The following MED13 variants were observed in gnomAD, a reference collection of about 807,000 sequenced individuals.
MED13 encodes the protein mediator of RNA polymerase II transcription subunit 13.
A neutral mutation model predicts 225.2 loss-of-function variants in MED13; 23 were observed. The ratio of observed to expected loss-of-function variants is 0.10; its 90% CI spans 0.07 to 0.14. The LOEUF is 0.14. MED13 is among the 10% of genes least tolerant of loss of function. The pLI, the probability that MED13 is intolerant of heterozygous loss-of-function variation, is 1.00. For missense variants in MED13, 2,197 were observed against 2,594.5 expected, an observed-to-expected ratio of 0.85 and a Z score of 3.33; for synonymous variants, 942 against 889.2, an observed-to-expected ratio of 1.06 and a Z score of -1.06.
At chr17:61,971,823 G>A (rs2080111895) in intron 17 of MED13, among the ~76,000 whole-genome samples, 1 of 151,902 alleles carries the variant, frequency 6.6e-6, no homozygotes, top group African/African-American at 2.4e-5. Flanking sequence ...ACTCCCAGCT[G>A]TTCGGGAGGC....
intron 9 of MED13, among the ~76,000 whole-genome samples, chr17:62,000,084 T>C (rs1046855732): frequency 6.6e-6 from 1 of 151,800 alleles, no homozygotes; most frequent in Non-Finnish European, 1.5e-5. Flanking sequence ...AAAGAAAAAA[T>C]AAAAATCAAG....
intron 5 of MED13, among the ~76,000 whole-genome samples, chr17:62,033,242 C>CT (rs2080773227): frequency 6.6e-6 from 1 of 152,132 alleles, no homozygotes; most frequent in South Asian, 2.1e-4. Flanking sequence ...GTCATAAATT[C>CT]TTTAGTTACA....
chr17:61,960,182 AC>A (rs2079986706), intron 23 of MED13, among the ~76,000 whole-genome samples: 1 of 152,108 alleles, frequency 6.6e-6, no homozygotes, highest in Admixed American at 6.6e-5. Flanking sequence ...ACCTGTTGTG[AC>A]CTATTAGTTA....
intron 2 of MED13, among the ~76,000 whole-genome samples, chr17:62,055,922 C>CTT (rs1408708478): frequency 6.6e-6 from 1 of 152,142 alleles, no homozygotes; most frequent in East Asian, 1.9e-4. Context: ...GGGTGGGCAT[C>CTT]TTATGTCCCC....
chr17:62,042,229 C>T (rs1273363101), intron 3 of MED13, among the ~76,000 whole-genome samples: 1 of 152,148 alleles, frequency 6.6e-6, no homozygotes, highest in Non-Finnish European at 1.5e-5. Context: ...CATATTTCTG[C>T]TCACTCAGTG....
At chr17:62,064,998 G>T in intron 1 of MED13, 142 bp downstream of exon 1, 2 of 619,052 alleles carry the variant, frequency 3.2e-6, no homozygotes. Flanking sequence ...GGGGCTGGCC[G>T]CGGAGCTTCG....
At chr17:62,055,997 C>A (rs920208311) in intron 2 of MED13, among the ~76,000 whole-genome samples, 1 of 152,142 alleles carries the variant, frequency 6.6e-6, no homozygotes, top group African/African-American at 2.4e-5. Flanking sequence ...TAGAGACCAC[C>A]TGTTGAGGTT....
At chr17:62,011,948 G>A (rs2080513408) in intron 8 of MED13, among the ~76,000 whole-genome samples, 1 of 152,178 alleles carries the variant, frequency 6.6e-6, no homozygotes, top group South Asian at 2.1e-4. Flanking sequence ...TGGGCATGGT[G>A]GCTGACACCT....
chr17:61,946,277 A>C lies in MED13; in HGVS notation c.*191T>G. The C allele has an allele frequency of 1.7e-6, 1 of 586,250 alleles. No individual in the cohort carries two copies. The highest frequency in any genetic ancestry group is 2.9e-6 in the Non-Finnish European group (1 of 346,302). 36.3% of individuals were successfully genotyped at this position (586,250 alleles called of 1,614,324 possible). ...TGTATGATCAGTCATCATCCTAAAG[A>C]GTTCAATAGAGTCAATGAAAAATAG... On this transcript the variant is annotated 3_prime_UTR_variant, in exon 30 of 30. Transcript: ENST00000397786.
chr17:62,029,740 CATT>C, intron 7 of MED13, 89 bp from the exon 8 acceptor site: 1 of 1,509,228 alleles, frequency 6.6e-7, no homozygotes, highest in Non-Finnish European at 9.0e-7. Flanking sequence ...TAAAGATCAA[CATT>C]ATGAGTTAAA....
chr17:61,948,189 C>T (rs1437013979), intron 28 of MED13, among the ~76,000 whole-genome samples: 2 of 151,112 alleles, frequency 1.3e-5, no homozygotes, highest in African/African-American at 2.4e-5. Context: ...TTACTGCCTA[C>T]AGTATAAAAC....
intron 5 of MED13, among the ~76,000 whole-genome samples, chr17:62,033,336 T>C (rs2080774141): frequency 6.6e-6 from 1 of 152,192 alleles, no homozygotes; most frequent in African/African-American, 2.4e-5. Flanking sequence ...CTTTTCAGCC[T>C]CCAAATATTA....
At chr17:61,996,820 T>C (rs1162602550) in intron 9 of MED13, among the ~76,000 whole-genome samples, 1 of 152,192 alleles carries the variant, frequency 6.6e-6, no homozygotes, top group Admixed American at 6.5e-5. Context: ...CACTAGAACA[T>C]AAAAGCTCCA....
chr17:61,972,647 A>G (rs530280993), intron 17 of MED13, 80 bp downstream of exon 17: 1 of 1,254,552 alleles, frequency 8.0e-7, no homozygotes, highest in South Asian at 1.6e-5. Flanking sequence ...AAAGAAAACT[A>G]ATGTGCTTAT....
intron 19 of MED13, 34 bp downstream of exon 19, chr17:61,966,428 C>A: frequency 5.2e-6 from 8 of 1,543,906 alleles, no homozygotes; most frequent in Non-Finnish European, 7.0e-6. Context: ...ATTTTGCTAA[C>A]ACCAGCCTTA....
chr17:61,962,839 A>G lies in MED13; in HGVS notation c.4977T>C (p.Ser1659=). ...GAAGTAGCCCCAATGTCCACACACT[A>G]GAAGAGTTAGTGCTCTCGTCTGTAT... ...YENTDESTNS[S]SVWTLGLLRC... Residue 1659 remains serine (S), a synonymous_variant, in exon 21 of 30, where the codon TCT becomes TCC. Transcript: ENST00000397786. 6.2e-7 allele frequency: 1 copy of G among 1,614,156 alleles called. No individual in the cohort carries two copies.
At chr17:62,033,359 T>G (rs935746494) in intron 5 of MED13, among the ~76,000 whole-genome samples, 11 of 152,278 alleles carry the variant, frequency 7.2e-5, no homozygotes, top group Non-Finnish European at 1.3e-4. Context: ...TCATTCACAA[T>G]TAACTGTCCC....
intron 9 of MED13, among the ~76,000 whole-genome samples, chr17:61,995,893 T>C (rs953530493): frequency 6.6e-6 from 1 of 152,214 alleles, no homozygotes; most frequent in African/African-American, 2.4e-5. Context: ...ATTATTACTA[T>C]TAATTCTGGC....
intron 11 of MED13, among the ~76,000 whole-genome samples, chr17:61,990,152 CAT>C (rs2080283018): frequency 6.6e-6 from 1 of 152,164 alleles, no homozygotes; most frequent in Non-Finnish European, 1.5e-5. Flanking sequence ...TGCTGTACAT[CAT>C]AGTGAATAAT....
Sources: allele counts gnomAD v4.1 joint callset (sites outside exome capture counted in the v4.1 genomes callset), GRCh38; gene constraint gnomAD v4.1.1; transcripts MANE v1.5; gene names NCBI Gene and HGNC (gene_info 2026-07-23, HGNC 2026-07-21).